The following GABRA4 variants were observed in gnomAD, a reference collection of about 807,000 sequenced individuals.
The protein encoded by GABRA4 is gamma-aminobutyric acid type A receptor subunit alpha4.
In GABRA4, 12 loss-of-function variants were observed where a neutral mutation model predicts 49.7. The observed-to-expected ratio is 0.24, with a 90% confidence interval of 0.15 to 0.39. The LOEUF (loss-of-function observed/expected upper bound fraction) is 0.39. Among genes scored for constraint, GABRA4 ranks in the 10% least tolerant of loss-of-function variants. The pLI, the probability that GABRA4 is intolerant of heterozygous loss-of-function variation, is 1.00. For synonymous variants in GABRA4, 288 were observed against 240.2 expected (o/e 1.20, Z -1.84); for missense variants, 506 against 686.0 (o/e 0.74, Z 2.93).
rs554687112 is a variant in GABRA4 at position 46,929,526 on chromosome 4, T to C, written c.1135-771A>G. ...AAATATTTCACTGCTTTTCAGCAAATTATTTTGTTTGTAGAACAAGATTAT... is the reference window on the plus strand; with the variant it reads ...AAATATTTCACTGCTTTTCAGCAAACTATTTTGTTTGTAGAACAAGATTAT... On this transcript the variant is annotated intron_variant, in intron 8 of 8. Coordinates refer to ENST00000264318, the MANE Select transcript of GABRA4 (RefSeq NM_000809.4). 2.9e-4 allele frequency among the ~76,000 whole-genome samples: 44 copies of C among 152,184 alleles called. No homozygotes were observed. In the South Asian group the frequency reaches 7.5e-3, roughly 26 times the overall value.
chr4:46,940,638 A>G (rs1251896512), intron 8 of GABRA4, among the ~76,000 whole-genome samples: 1 of 152,096 alleles, frequency 6.6e-6, no homozygotes, highest in African/African-American at 2.4e-5. Flanking sequence ...TACTCCATCT[A>G]TAGTAAAACA....
intron 8 of GABRA4, among the ~76,000 whole-genome samples, chr4:46,957,969 C>T (rs1360534037): frequency 1.3e-5 from 2 of 151,782 alleles, no homozygotes; most frequent in African/African-American, 4.8e-5. Context: ...GAAATATGAA[C>T]AAAAATATTC....
chr4:46,977,931 T>C lies in GABRA4; in HGVS notation c.274-301A>G, dbSNP rs1407464720. Among the ~76,000 whole-genome samples, 4 of 152,078 alleles carry C rather than the reference T, an allele frequency of 2.6e-5. No individual in the cohort carries two copies. In the East Asian group the frequency reaches 7.8e-4, roughly 29 times the overall value. On this transcript the variant is annotated intron_variant, in intron 3 of 8. Transcript: ENST00000264318. ...AAGAAAACTGCCAGTACCAGGTAGT[T>C]ACAATTGTGTTTTACTTTAGACTAG...
intron 8 of GABRA4, among the ~76,000 whole-genome samples, chr4:46,952,011 T>G (rs1158037926): frequency 6.6e-6 from 1 of 152,028 alleles, no homozygotes; most frequent in Non-Finnish European, 1.5e-5. Context: ...TTAAAAGTAT[T>G]TATTTTTTAA....
At chr4:46,976,476 A>T (rs1723144676) in intron 5 of GABRA4, among the ~76,000 whole-genome samples, 1 of 151,214 alleles carries the variant, frequency 6.6e-6, no homozygotes, top group African/African-American at 2.4e-5. Flanking sequence ...AAACTCCTTA[A>T]TGTGCTGTAT....
In GABRA4 at chr4:46,921,242, G is replaced by A. The variant is rs148838137; in HGVS notation, c.*6983C>T. On this transcript the variant is annotated 3_prime_UTR_variant, in exon 9 of 9. Transcript: ENST00000264318. Reference sequence around the variant, plus strand: ...CGTTATCCAAAAAGAAATTAAAAACGTTTATACTTATAATTAAAGGAATAA... The same window carrying A: ...CGTTATCCAAAAAGAAATTAAAAACATTTATACTTATAATTAAAGGAATAA... 1 of 151,332 alleles carries A rather than the reference G, an allele frequency of 6.6e-6. No homozygotes were observed. The highest frequency in any genetic ancestry group is 1.5e-5 in the Non-Finnish European group (1 of 67,712). 9.4% of individuals were successfully genotyped at this position (151,332 alleles called of 1,614,324 possible).
At position 46,992,864 on chromosome 4, in the gene GABRA4, C is replaced by A; in HGVS notation, c.169G>T (p.Asp57Tyr). The A allele has an allele frequency of 6.2e-7, 1 of 1,613,806 alleles. No homozygotes were observed. ...NFTRILDSLL[D>Y]GYDNRLRPGF... is the part of the protein sequence containing the mutation. ...GGACGCAGCCTGTTGTCATAACCAT[C>A]GAGCAAACTGTCCAGGATGCGGGTG... is the stretch of plus-strand genomic sequence containing the variant. Residue 57 changes from aspartate to tyrosine, a missense_variant, in exon 2 of 9, where the codon GAT (aspartate) becomes TAT (tyrosine). By Grantham distance (160) the Asp-to-Tyr change is radical. Around this residue, in one of 5 missense-constraint regions of GABRA4, gnomAD observed 195 missense variants for 326.0 expected, o/e 0.60. Transcript: ENST00000264318.
At chr4:46,945,836 C>T (rs375189985) in intron 8 of GABRA4, among the ~76,000 whole-genome samples, 13 of 152,088 alleles carry the variant, frequency 8.5e-5, no homozygotes, top group African/African-American at 2.7e-4. Context: ...TTGGTAGATA[C>T]TAGCAATCTC....
At chr4:46,949,062 T>C (rs1722075720) in intron 8 of GABRA4, among the ~76,000 whole-genome samples, 1 of 152,110 alleles carries the variant, frequency 6.6e-6, no homozygotes, top group African/African-American at 2.4e-5. Context: ...GATGTTGTAG[T>C]GTAATAAAGA....
Position 46,928,027 on chromosome 4 carries a change from T to C in GABRA4, c.*198A>G, listed in dbSNP as rs1441493504. Reference sequence around the variant, plus strand: ...AACTGAATGCTGAGTTCTTTTAAAATAATTTTTCTGAAAAAAAACATAGTT... The same window carrying C: ...AACTGAATGCTGAGTTCTTTTAAAACAATTTTTCTGAAAAAAAACATAGTT... On this transcript the variant is annotated 3_prime_UTR_variant, in exon 9 of 9. Coordinates refer to ENST00000264318, the MANE Select transcript of GABRA4 (RefSeq NM_000809.4). 4.0e-5 allele frequency: 20 copies of C among 505,030 alleles called. No homozygotes were observed. Among genetic ancestry groups the C allele is most frequent in the Non-Finnish European group, 6.1e-5 (18 of 293,612 alleles). The allele number at this position is 505,030 out of a possible 1,614,324, so 31.3% of individuals were successfully genotyped here. A position where few individuals can be genotyped will look rare whatever the true frequency, so the allele number is the denominator to read the frequency against.
At chr4:46,966,536 A>G in intron 7 of GABRA4, among the ~76,000 whole-genome samples, 1 of 151,770 alleles carries the variant, frequency 6.6e-6, no homozygotes, top group East Asian at 1.9e-4. Flanking sequence ...TCATTTCCAC[A>G]GCTTTATTAA....
intron 7 of GABRA4, among the ~76,000 whole-genome samples, chr4:46,966,090 G>C (rs954344060): frequency 1.3e-5 from 2 of 151,626 alleles, no homozygotes; most frequent in Non-Finnish European, 2.9e-5. Flanking sequence ...CTTGCCACTG[G>C]TACTATAGAG....
intron 8 of GABRA4, among the ~76,000 whole-genome samples, chr4:46,937,747 G>A (rs575615435): frequency 4.6e-5 from 7 of 152,242 alleles, no homozygotes; most frequent in Non-Finnish European, 1.0e-4. Flanking sequence ...ATTCCTCCAG[G>A]TAACTCTTGA....
At position 46,965,185 on chromosome 4, in the gene GABRA4, G is replaced by T. The variant is rs1424258015; in HGVS notation, c.919C>A (p.Arg307=). 6.2e-7 allele frequency: 1 copy of T among 1,601,382 alleles called. No individual in the cohort carries two copies. The highest frequency in any genetic ancestry group is 1.1e-5 in the South Asian group (1 of 89,432). Residue 307 remains arginine, a synonymous_variant, in exon 8 of 9, where the codon CGA becomes AGA. Transcript: ENST00000264318. ...LTMTTLSISA[R]HSLPKVSYAT... ...TAGGACACTTTGGGCAAAGAATGTC[G>T]TGCACTGATGCTTAGTGTGGTCATG... is the stretch of plus-strand genomic sequence containing the variant.
At position 46,992,954 on chromosome 4, in the gene GABRA4, C is replaced by CT; in HGVS notation, c.87-9_87-8insA. 9.3e-6 allele frequency: 13 copies of CT among 1,399,152 alleles called. No homozygotes were observed. Among genetic ancestry groups the CT allele is most frequent in the Non-Finnish European group, 1.3e-5 (13 of 1,026,518 alleles). 86.7% of individuals were successfully genotyped at this position (1,399,152 alleles called of 1,614,324 possible). A position where few individuals can be genotyped will look rare whatever the true frequency, so the allele number is the denominator to read the frequency against. On this transcript the variant is annotated splice_polypyrimidine_tract_variant and intron_variant, in intron 1 of 8. Transcript: ENST00000264318. ...CCTGGGGATTCGTTTAAACTGCAAG[C>CT]GAAAAAAAAAAAACCGGGGGCGGAG...
chr4:46,983,960 C>T (rs1723444818), intron 2 of GABRA4, among the ~76,000 whole-genome samples: 2 of 152,012 alleles, frequency 1.3e-5, no homozygotes, highest in Admixed American at 1.3e-4. Flanking sequence ...CCAGCAAGAT[C>T]AAATTCAGGG....
chr4:46,951,673 A>G (rs1381142355), intron 8 of GABRA4, among the ~76,000 whole-genome samples: 5 of 151,906 alleles, frequency 3.3e-5, no homozygotes, highest in Non-Finnish European at 7.4e-5. Context: ...TTCTTCCTCT[A>G]TAGCTCTTCC....
chr4:46,948,573 C>T (rs896785069), intron 8 of GABRA4, among the ~76,000 whole-genome samples: 5 of 151,956 alleles, frequency 3.3e-5, no homozygotes, highest in African/African-American at 1.2e-4. Context: ...AGATGAACAA[C>T]TCTGTAATGA....
At chr4:46,954,375 G>T (rs1054164427) in intron 8 of GABRA4, among the ~76,000 whole-genome samples, 1 of 148,882 alleles carries the variant, frequency 6.7e-6, no homozygotes, top group Non-Finnish European at 1.5e-5. Context: ...TGGCCAAATG[G>T]TGAAACCCTG....
Sources: allele counts gnomAD v4.1 joint callset (sites outside exome capture counted in the v4.1 genomes callset), GRCh38; gene constraint gnomAD v4.1.1; regional missense constraint gnomAD v4.1.1; transcripts MANE v1.5; gene names NCBI Gene and HGNC (gene_info 2026-07-23, HGNC 2026-07-21).